The following XKR9 variants were observed in gnomAD, a reference collection of about 807,000 sequenced individuals.
XKR9 encodes the protein XK related 9.
XKR9 carries 32 observed loss-of-function variants against 32.0 expected under a neutral mutation model. The ratio of observed to expected loss-of-function variants is 1.00; its 90% CI spans 0.76 to 1.34. The LOEUF (loss-of-function observed/expected upper bound fraction) is 1.34. XKR9 is among the 40% of genes most tolerant of loss of function. The pLI is 0.00. For missense variants in XKR9, 546 were observed against 429.7 expected, an observed-to-expected ratio of 1.27 and a Z score of -2.39; for synonymous variants, 168 against 143.4, an observed-to-expected ratio of 1.17 and a Z score of -1.22.
At position 70,706,918 on chromosome 8, in the gene XKR9, ATGTTTAC is replaced by A; in HGVS notation, c.273-13_273-7del. ...AATATAAAACTAAAGAGAAATGTTT[ATGTTTAC>A]TTTATAGGTATTGGTTTGCCTTAAA... On this transcript the variant is annotated splice_polypyrimidine_tract_variant and splice_region_variant and intron_variant, in intron 3 of 4. Transcript: ENST00000408926. The A allele has an allele frequency of 1.3e-6, 2 of 1,578,290 alleles. No homozygotes were observed. Among genetic ancestry groups the A allele is most frequent in the Non-Finnish European group, 1.7e-6 (2 of 1,155,870 alleles).
At chr8:70,722,075 A>C (rs529301324) in intron 4 of XKR9, among the ~76,000 whole-genome samples, 366 of 151,346 alleles carry the variant, frequency 2.4e-3, no homozygotes, top group African/African-American at 8.6e-3. Context: ...CTTTTTTGAT[A>C]TTTGTTGGTT....
chr8:70,754,360 A>G (rs1204307235), intron 2 of XKR9, among the ~76,000 whole-genome samples: 1 of 137,868 alleles, frequency 7.3e-6, no homozygotes, highest in Non-Finnish European at 1.6e-5. Flanking sequence ...TATAGATTCA[A>G]TGCCATCCCC....
chr8:70,728,590 C>A (rs867045512), intron 4 of XKR9, among the ~76,000 whole-genome samples: 1 of 151,954 alleles, frequency 6.6e-6, no homozygotes, highest in Non-Finnish European at 1.5e-5. Flanking sequence ...AACTTGTAGC[C>A]CACAAAGAAT....
the XKR9 span, among the ~76,000 whole-genome samples, chr8:71,043,809 T>G: frequency 6.6e-6 from 1 of 152,144 alleles, no homozygotes; most frequent in Non-Finnish European, 1.5e-5. Flanking sequence ...AACATCTAAT[T>G]ACGAGATACC....
At chr8:70,786,798 C>T (rs1239045673) in intron 2 of XKR9, among the ~76,000 whole-genome samples, 2 of 152,018 alleles carry the variant, frequency 1.3e-5, no homozygotes. Flanking sequence ...CCTACTACTG[C>T]CATTTTGTTA....
At chr8:70,886,807 T>A in the XKR9 span, among the ~76,000 whole-genome samples, 3 of 152,138 alleles carry the variant, frequency 2.0e-5, no homozygotes. Flanking sequence ...GTGGAGAGAT[T>A]GCAAAAATTT....
chr8:70,934,010 A>C, the XKR9 span, among the ~76,000 whole-genome samples: 1 of 151,930 alleles, frequency 6.6e-6, no homozygotes, highest in Non-Finnish European at 1.5e-5. Context: ...AAGGCCACAT[A>C]AGTAGTGTTA....
the XKR9 span, among the ~76,000 whole-genome samples, chr8:71,018,711 A>G: frequency 6.6e-6 from 1 of 152,224 alleles, no homozygotes; most frequent in Non-Finnish European, 1.5e-5. Flanking sequence ...GGAAATTAGC[A>G]AGGATGGGAA....
At chr8:70,694,163 G>C (rs1339064979) in intron 3 of XKR9, among the ~76,000 whole-genome samples, 1 of 152,238 alleles carries the variant, frequency 6.6e-6, no homozygotes, top group Admixed American at 6.5e-5. Context: ...CAGCAAAGCT[G>C]TTGCCAGCTT....
chr8:70,897,499 A>G, the XKR9 span, among the ~76,000 whole-genome samples: 2 of 152,216 alleles, frequency 1.3e-5, no homozygotes. Context: ...ATTACCACCA[A>G]CAGGGTACAA....
At chr8:70,877,198 A>G in the XKR9 span, among the ~76,000 whole-genome samples, 13 of 152,144 alleles carry the variant, frequency 8.5e-5, no homozygotes, top group African/African-American at 2.7e-4. Context: ...CTCATTCACT[A>G]TCACAAGAAC....
intron 2 of XKR9, among the ~76,000 whole-genome samples, chr8:70,765,355 T>G (rs1440054744): frequency 6.6e-6 from 1 of 152,186 alleles, no homozygotes; most frequent in Non-Finnish European, 1.5e-5. Context: ...GATGATGAGC[T>G]TTTTATCATG....
At chr8:70,925,709 A>G in the XKR9 span, among the ~76,000 whole-genome samples, 1 of 152,218 alleles carries the variant, frequency 6.6e-6, no homozygotes, top group Non-Finnish European at 1.5e-5. Context: ...CAACTGCAAG[A>G]ACACGTGGTA....
chr8:71,001,673 G>A, the XKR9 span, among the ~76,000 whole-genome samples: 8 of 152,146 alleles, frequency 5.3e-5, no homozygotes, highest in Admixed American at 4.6e-4. Context: ...GCATTTAGCT[G>A]TACTAGGGAT....
chr8:70,845,702 A>G, the XKR9 span, among the ~76,000 whole-genome samples: 1 of 152,178 alleles, frequency 6.6e-6, no homozygotes, highest in Non-Finnish European at 1.5e-5. Context: ...AAGCAAATTC[A>G]GAATGCAAAG....
At chr8:71,010,644 C>A in the XKR9 span, among the ~76,000 whole-genome samples, 316 of 152,162 alleles carry the variant, frequency 2.1e-3, 2 homozygotes, top group Non-Finnish European at 3.9e-3. Flanking sequence ...ACATGGACCC[C>A]GATTCTATTG....
At chr8:70,720,776 G>C (rs999012564) in intron 4 of XKR9, among the ~76,000 whole-genome samples, 3 of 152,042 alleles carry the variant, frequency 2.0e-5, no homozygotes, top group Non-Finnish European at 2.9e-5. Flanking sequence ...TTTTTGTTGT[G>C]TCTCTGCCAT....
intron 3 of XKR9, among the ~76,000 whole-genome samples, chr8:70,688,566 G>A (rs529731909): frequency 3.9e-5 from 6 of 151,956 alleles, no homozygotes; most frequent in African/African-American, 4.8e-5. Context: ...ACGGGTGCCC[G>A]CCACCACGCC....
chr8:70,869,660 C>A, the XKR9 span, among the ~76,000 whole-genome samples: 1 of 152,126 alleles, frequency 6.6e-6, no homozygotes, highest in Non-Finnish European at 1.5e-5. Flanking sequence ...ATATTTGTCA[C>A]CCTTCCTTAC....
Sources: gnomAD v4.1 joint callset for allele counts (sites outside exome capture counted in the v4.1 genomes callset) on GRCh38, gnomAD v4.1.1 for gene constraint, MANE v1.5 for transcripts, NCBI Gene and HGNC (gene_info 2026-07-23, HGNC 2026-07-21) for gene names.